STX7: variants seen among roughly 807,000 people sequenced by gnomAD.
STX7 encodes syntaxin 7.
Under a neutral mutation model 39.6 loss-of-function variants are expected in STX7, and 34 were observed. The observed-to-expected ratio is 0.86, with a 90% CI of 0.65 to 1.14. STX7 has a LOEUF of 1.14. Among genes scored for constraint, STX7 ranks in the 50% most tolerant of loss-of-function variants. STX7 has a pLI of 0.00. For missense variants in STX7, 284 were observed against 310.4 expected, an observed-to-expected ratio of 0.92 and a Z score of 0.64; for synonymous variants, 119 against 99.1, an observed-to-expected ratio of 1.20 and a Z score of -1.19.
rs1774894994 is a variant in STX7, at chr6:132,477,157, T to C, written c.86-1495A>G. 2.0e-5 allele frequency among the ~76,000 whole-genome samples: 3 copies of C among 152,270 alleles called. No homozygotes were observed. The Middle Eastern group carries it at 0.01, about 518-fold the overall frequency. On this transcript the variant is annotated intron_variant, in intron 2 of 9. Coordinates refer to ENST00000367941, the MANE Select transcript of STX7 (RefSeq NM_003569.3). The stretch of plus-strand genomic sequence containing the variant: ...AACTCTTAGCATTTGGCTAATTTAA[T>C]AGGAATTTATTTTTGCTTTTTGGGG...
intron 3 of STX7, among the ~76,000 whole-genome samples, chr6:132,473,523 T>TTG (rs1478176655): frequency 6.0e-5 from 9 of 150,610 alleles, no homozygotes; most frequent in Non-Finnish European, 1.3e-4. Context: ...TTGTGTTGTT[T>TTG]TTTTTTTTTT....
In STX7 at chr6:132,509,185, C is replaced by T. The variant is rs150882338; in HGVS notation, c.-59+3822G>A. On this transcript the variant is annotated intron_variant, in intron 1 of 9. Coordinates refer to ENST00000367941, the MANE Select transcript of STX7 (RefSeq NM_003569.3). ...TTAGAAAAACCAAATTTGGGCTGGG[C>T]GCGGTGGCTCACGCCTGTAATCCCG... 2.6e-4 allele frequency among the ~76,000 whole-genome samples: 39 copies of T among 152,076 alleles called. 1 individual carries two copies. The highest frequency in any genetic ancestry group is 8.2e-4 in the African/African-American group (34 of 41,482).
intron 2 of STX7, among the ~76,000 whole-genome samples, chr6:132,489,128 G>C (rs892016191): frequency 1.4e-5 from 2 of 146,212 alleles, no homozygotes; most frequent in African/African-American, 5.1e-5. Context: ...CTTGAACCCA[G>C]AGGAAGAGGT....
At chr6:132,475,039 C>CA (rs1208354273) in intron 3 of STX7, among the ~76,000 whole-genome samples, 1 of 151,812 alleles carries the variant, frequency 6.6e-6, no homozygotes, top group Admixed American at 6.6e-5. Flanking sequence ...TATAATTTTT[C>CA]AACAGCTGTC....
In STX7 at chr6:132,475,613, T is replaced by C. The variant is rs1774853966; in HGVS notation, c.135A>G (p.Ser45=). 1 of 1,608,006 alleles carries C rather than the reference T, an allele frequency of 6.2e-7. No homozygotes were observed. Among genetic ancestry groups the C allele is most frequent in the African/African-American group, 1.3e-5 (1 of 74,950 alleles). ...TLNQLGTPQD[S]PELRQQLQQK... ...CTTACAACTGTTGCCTCAATTCAGG[T>C]GAATCTTGAGGTGTTCCAAGTTGAT... Residue 45 remains serine (S), a synonymous_variant, in exon 3 of 10, where the codon TCA becomes TCG. Coordinates refer to ENST00000367941, the MANE Select transcript of STX7 (RefSeq NM_003569.3).
chr6:132,478,311 A>G (rs1774926290), intron 2 of STX7, among the ~76,000 whole-genome samples: 1 of 152,202 alleles, frequency 6.6e-6, no homozygotes, highest in South Asian at 2.1e-4. Flanking sequence ...CACCACATGA[A>G]TGCTATATAA....
In STX7 at chr6:132,449,601, T is replaced by C. The variant is rs113289650; in HGVS notation, c.*11157A>G. On this transcript the variant is annotated 3_prime_UTR_variant, in exon 10 of 10. Transcript: ENST00000367941. The stretch of plus-strand genomic sequence containing the variant: ...TTTACCTGTTTTTGCTGCAATATGT[T>C]GTTTCCTCAGTTAAAACTTGATAGT... The C allele has an allele frequency of 1.3e-5, 2 of 152,328 alleles. No homozygotes were observed. Among genetic ancestry groups the C allele is most frequent in the Admixed American group, 6.5e-5 (1 of 15,292 alleles). The allele number at this position is 152,328 out of a possible 1,614,324, so 9.4% of individuals were successfully genotyped here.
intron 2 of STX7, among the ~76,000 whole-genome samples, chr6:132,484,393 T>C (rs929068350): frequency 6.6e-6 from 1 of 152,108 alleles, no homozygotes; most frequent in African/African-American, 2.4e-5. Flanking sequence ...AAAGAATAGT[T>C]TGTCATAAAA....
At chr6:132,501,859 C>T (rs1304215229) in intron 2 of STX7, among the ~76,000 whole-genome samples, 1 of 151,782 alleles carries the variant, frequency 6.6e-6, no homozygotes, top group African/African-American at 2.4e-5. Flanking sequence ...TATTTCTAAC[C>T]AGCAGCAAGG....
rs1439822646 is a variant in STX7, at chr6:132,453,774, C to T, written c.*6984G>A. 6.6e-6 allele frequency: 1 copy of T among 151,892 alleles called. No individual in the cohort carries two copies. Among genetic ancestry groups the T allele is most frequent in the African/African-American group, 2.4e-5 (1 of 41,376 alleles). The allele number at this position is 151,892 out of a possible 1,614,324, so 9.4% of individuals were successfully genotyped here. ...CAGAATGACTAAAATAAAAAAGAGA[C>T]ACCACCAAATGCTGAAAAGGACATG... On this transcript the variant is annotated 3_prime_UTR_variant, in exon 10 of 10. Transcript: ENST00000367941.
chr6:132,471,632 A>C (rs1774725758), intron 4 of STX7, 32 bp from the exon 5 acceptor site: 1 of 1,603,198 alleles, frequency 6.2e-7, no homozygotes, highest in Non-Finnish European at 8.5e-7. Flanking sequence ...GCCAACTAGA[A>C]TCTAGCTGTG....
chr6:132,507,091 C>G (rs1198469449), intron 1 of STX7, among the ~76,000 whole-genome samples: 2 of 152,000 alleles, frequency 1.3e-5, no homozygotes, highest in Non-Finnish European at 1.5e-5. Context: ...GTAAGTGGAA[C>G]CTAAATAATG....
chr6:132,461,832 C>G (rs755771771), intron 9 of STX7: 1 of 1,540,060 alleles, frequency 6.5e-7, no homozygotes, highest in South Asian at 1.2e-5. Flanking sequence ...GGCGTTTGTA[C>G]CTCACATCAA....
chr6:132,449,035 C>G lies in STX7; in HGVS notation c.*11723G>C, dbSNP rs79696469. On this transcript the variant is annotated 3_prime_UTR_variant, in exon 10 of 10. Transcript: ENST00000367941. Reference sequence around the variant, plus strand: ...TGGATCCACTTTTTTTTTTTTTAGACAGGGTACAGTGGCACCATCATAGCT... The same window carrying G: ...TGGATCCACTTTTTTTTTTTTTAGAGAGGGTACAGTGGCACCATCATAGCT... 4 of 149,030 alleles carry G rather than the reference C, an allele frequency of 2.7e-5. No homozygotes were observed. Among genetic ancestry groups the G allele is most frequent in the Admixed American group, 6.7e-5 (1 of 14,886 alleles). 9.2% of individuals were successfully genotyped at this position (149,030 alleles called of 1,614,324 possible). A position where few individuals can be genotyped will look rare whatever the true frequency, so the allele number is the denominator to read the frequency against.
In STX7 at chr6:132,460,537, C is replaced by A. The variant is rs951563032; in HGVS notation, c.*221G>T. ...ACTTAACAACTATTAAATTGAAGAC[C>A]AAGGGAGTTATGTCAGCAGTGACAT... On this transcript the variant is annotated 3_prime_UTR_variant, in exon 10 of 10. Transcript: ENST00000367941. 3 of 370,042 alleles carry A rather than the reference C, an allele frequency of 8.1e-6. No homozygotes were observed. Among genetic ancestry groups the A allele is most frequent in the Non-Finnish European group, 9.6e-6 (2 of 207,310 alleles). 22.9% of individuals were successfully genotyped at this position (370,042 alleles called of 1,614,324 possible). A position where few individuals can be genotyped will look rare whatever the true frequency, so the allele number is the denominator to read the frequency against.
intron 2 of STX7, among the ~76,000 whole-genome samples, chr6:132,487,246 A>G (rs961677808): frequency 1.3e-5 from 2 of 152,164 alleles, no homozygotes; most frequent in Non-Finnish European, 1.5e-5. Context: ...TTCATCTAAG[A>G]TGTCAACTTT....
At position 132,447,945 on chromosome 6, in the gene STX7, A is replaced by G. The variant is rs1023969139; in HGVS notation, c.*12813T>C. 2.0e-5 allele frequency: 3 copies of G among 152,046 alleles called. No homozygotes were observed. The highest frequency in any genetic ancestry group is 7.2e-5 in the African/African-American group (3 of 41,412). The allele number at this position is 152,046 out of a possible 1,614,324, so 9.4% of individuals were successfully genotyped here. ...TTCTTGCATTTTTGTGGTCTATCAA[A>G]GTTGGGATTTCTAAAGTGTTTTTCC... On this transcript the variant is annotated 3_prime_UTR_variant, in exon 10 of 10. Coordinates refer to ENST00000367941, the MANE Select transcript of STX7 (RefSeq NM_003569.3).
rs75788528 is a variant in STX7 at position 132,506,134 on chromosome 6, C to T, written c.-58-2546G>A. On this transcript the variant is annotated intron_variant, in intron 1 of 9. Transcript: ENST00000367941. ...AAAGACTTAAAAGTAATACCTAAAACGATTAAAATACTAAAAGAAAATATA... is the reference window on the plus strand; with the variant it reads ...AAAGACTTAAAAGTAATACCTAAAATGATTAAAATACTAAAAGAAAATATA... Among the ~76,000 whole-genome samples, 451 of 151,014 alleles carry T rather than the reference C, an allele frequency of 3.0e-3. 3 individuals carry two copies. The highest frequency in any genetic ancestry group is 8.9e-3 in the African/African-American group (368 of 41,232).
chr6:132,507,058 T>A (rs2114483273), intron 1 of STX7, among the ~76,000 whole-genome samples: 1 of 152,198 alleles, frequency 6.6e-6, no homozygotes. Context: ...CAGAAAAAAG[T>A]CAAATGCTGC....
Sources: gnomAD v4.1 joint callset for allele counts (sites outside exome capture counted in the v4.1 genomes callset) on GRCh38, gnomAD v4.1.1 for gene constraint, MANE v1.5 for transcripts, NCBI Gene and HGNC (gene_info 2026-07-23, HGNC 2026-07-21) for gene names.